IFT57: variants seen among roughly 807,000 people sequenced by gnomAD.
The protein encoded by IFT57 is intraflagellar transport 57.
In IFT57, 59 loss-of-function variants were observed where a neutral mutation model predicts 56.8. The ratio of observed to expected loss-of-function variants is 1.04; its 90% CI spans 0.84 to 1.29. The LOEUF (loss-of-function observed/expected upper bound fraction) is 1.29, where lower values mean the gene tolerates loss of function less well. IFT57 is among the 50% of genes most tolerant of loss of function. The pLI, the probability that IFT57 is intolerant of heterozygous loss-of-function variation, is 0.00. For synonymous variants in IFT57, 209 were observed against 186.1 expected (o/e 1.12, Z -1.00); for missense variants, 470 against 522.1 (o/e 0.90, Z 0.97).
chr3:108,193,373 T>C (rs2080226273), intron 5 of IFT57, among the ~76,000 whole-genome samples: 1 of 152,230 alleles, frequency 6.6e-6, no homozygotes, highest in African/African-American at 2.4e-5. Context: ...TTAAAGCCTA[T>C]ACTGCTTTTT....
At chr3:108,220,527 GAA>G (rs1413862382) in intron 1 of IFT57, among the ~76,000 whole-genome samples, 1 of 152,176 alleles carries the variant, frequency 6.6e-6, no homozygotes, top group Non-Finnish European at 1.5e-5. Context: ...AAAAGGCCAT[GAA>G]GTCCTTCCAG....
intron 6 of IFT57, among the ~76,000 whole-genome samples, chr3:108,177,570 T>TA (rs1225640041): frequency 6.6e-6 from 1 of 151,440 alleles, no homozygotes; most frequent in Admixed American, 6.6e-5. Flanking sequence ...AATCAATCAA[T>TA]ATAATTCAAC....
chr3:108,209,621 T>C (rs1289890353), intron 4 of IFT57, among the ~76,000 whole-genome samples: 2 of 152,218 alleles, frequency 1.3e-5, no homozygotes, highest in Non-Finnish European at 2.9e-5. Context: ...GTAAAGCAGG[T>C]TGCTATCACC....
chr3:108,179,747 T>G (rs1480440874), intron 6 of IFT57, among the ~76,000 whole-genome samples: 2 of 152,014 alleles, frequency 1.3e-5, no homozygotes, highest in African/African-American at 4.8e-5. Context: ...AAATGCCCAC[T>G]AGGTTGCAGG....
chr3:108,204,293 C>T (rs1399274770), intron 5 of IFT57, among the ~76,000 whole-genome samples: 2 of 151,882 alleles, frequency 1.3e-5, no homozygotes, highest in Admixed American at 6.6e-5. Context: ...TACAACTATA[C>T]ATAGTCTTAG....
chr3:108,171,116 T>C (rs9823406), intron 6 of IFT57, among the ~76,000 whole-genome samples: 14,655 of 151,962 alleles, frequency 0.096, 774 homozygotes, highest in Middle Eastern at 0.12. Context: ...CTACCTATTA[T>C]TTAACTTTGA....
In IFT57 at chr3:108,166,918, T is replaced by C. The variant is rs1343645398; in HGVS notation, c.917A>G (p.Tyr306Cys). 1.9e-6 allele frequency: 3 copies of C among 1,611,790 alleles called. No homozygotes were observed. Residue 306 changes from tyrosine (Y) to cysteine (C), a missense_variant, in exon 8 of 11, where the codon TAC becomes TGC. Transcript: ENST00000264538. ...CAAATTCTCAAGCTGATTGTTGATG[T>C]ACTTTTCTCGGCTGCTGATCTTTTC... ...TLEKISSREK[Y>C]INNQLENLVQ...
At chr3:108,193,009 CG>C (rs1276767092) in intron 5 of IFT57, among the ~76,000 whole-genome samples, 1 of 151,964 alleles carries the variant, frequency 6.6e-6, no homozygotes, top group East Asian at 1.9e-4. Context: ...AACTGGATAG[CG>C]TGGCATGTTC....
At chr3:108,207,016 G>A (rs953020576) in intron 4 of IFT57, among the ~76,000 whole-genome samples, 1 of 152,134 alleles carries the variant, frequency 6.6e-6, no homozygotes, top group East Asian at 1.9e-4. Context: ...AACAGGGCAA[G>A]AAACAAACCC....
chr3:108,206,655 G>A lies in IFT57; in HGVS notation c.627C>T (p.Asn209=), dbSNP rs114028841. The A allele has an allele frequency of 9.0e-4, 1,256 of 1,397,204 alleles. 4 individuals carry two copies. In the African/African-American group the frequency reaches 0.016, roughly 18 times the overall value. 86.6% of individuals were successfully genotyped at this position (1,397,204 alleles called of 1,614,324 possible). A position where few individuals can be genotyped will look rare whatever the true frequency, so the allele number is the denominator to read the frequency against. ...TDNEENFIDL[N]VLKAQTYHLD... ...AGTGATATGTCTGGGCCTTTAAAAC[G>A]TTGAGATCAATAAAGTTTTCTTCAT... Residue 209 remains asparagine, a synonymous_variant, in exon 5 of 11, where the codon AAC becomes AAT. Transcript: ENST00000264538.
At chr3:108,187,344 T>C (rs1212668732) in intron 6 of IFT57, among the ~76,000 whole-genome samples, 3 of 152,122 alleles carry the variant, frequency 2.0e-5, no homozygotes, top group East Asian at 3.9e-4. Context: ...AGTTTAGCAA[T>C]AAAAACCTTG....
intron 1 of IFT57, 52 bp from the exon 2 acceptor site, chr3:108,219,624 T>A (rs1395176975): frequency 1.3e-6 from 2 of 1,564,508 alleles, no homozygotes; most frequent in South Asian, 2.2e-5. Context: ...TGCAAATAAG[T>A]CTATAATAAC....
chr3:108,182,800 T>C (rs2080158108), intron 6 of IFT57, among the ~76,000 whole-genome samples: 1 of 152,124 alleles, frequency 6.6e-6, no homozygotes, highest in Admixed American at 6.6e-5. Flanking sequence ...TTGTAATGAA[T>C]CTGAAGATTT....
At chr3:108,173,452 A>T (rs2080105470) in intron 6 of IFT57, among the ~76,000 whole-genome samples, 1 of 151,856 alleles carries the variant, frequency 6.6e-6, no homozygotes, top group Non-Finnish European at 1.5e-5. Flanking sequence ...TGATACACCC[A>T]TCATAAGCTA....
chr3:108,205,826 TTA>T (rs1280038073), intron 5 of IFT57, among the ~76,000 whole-genome samples: 2 of 98,372 alleles, frequency 2.0e-5, no homozygotes, highest in Non-Finnish European at 4.6e-5. Flanking sequence ...TATATATTAT[TTA>T]TATATTATTT....
chr3:108,189,227 A>G (rs2108316791), intron 6 of IFT57, among the ~76,000 whole-genome samples: 1 of 152,342 alleles, frequency 6.6e-6, no homozygotes. Context: ...GTTGTCCTCT[A>G]TAACAAGTAG....
At chr3:108,163,526 T>A in intron 10 of IFT57, 137 bp downstream of exon 10, 2 of 623,844 alleles carry the variant, frequency 3.2e-6, no homozygotes, top group Non-Finnish European at 5.7e-6. Context: ...TTATCAGACA[T>A]TTTTGTACAA....
chr3:108,169,227 T>C (rs976211891), intron 6 of IFT57, among the ~76,000 whole-genome samples: 3 of 152,104 alleles, frequency 2.0e-5, no homozygotes, highest in Non-Finnish European at 4.4e-5. Context: ...TTGATTTGCA[T>C]TGTTCTAATT....
intron 6 of IFT57, among the ~76,000 whole-genome samples, chr3:108,182,036 T>G (rs1279206042): frequency 6.6e-6 from 1 of 152,078 alleles, no homozygotes; most frequent in Non-Finnish European, 1.5e-5. Flanking sequence ...CCACAGTTTA[T>G]ATATATTTTT....
Sources: allele counts gnomAD v4.1 joint callset (sites outside exome capture counted in the v4.1 genomes callset), GRCh38; gene constraint gnomAD v4.1.1; transcripts MANE v1.5; gene names NCBI Gene and HGNC (gene_info 2026-07-23, HGNC 2026-07-21).